CIAPIN1: variants seen among roughly 807,000 people sequenced by gnomAD.
CIAPIN1 encodes anamorsin.
In CIAPIN1, 18 loss-of-function variants were observed where a neutral mutation model predicts 34.3. The observed-to-expected ratio is 0.52, with a 90% CI of 0.36 to 0.78. The LOEUF (loss-of-function observed/expected upper bound fraction) is 0.78. Among genes scored for constraint, CIAPIN1 ranks in the 30% least tolerant of loss-of-function variants. CIAPIN1 has a pLI of 0.00. For synonymous variants in CIAPIN1, 131 were observed against 140.4 expected (o/e 0.93, Z 0.47); for missense variants, 310 against 372.5 (o/e 0.83, Z 1.38).
chr16:57,437,549 G>T (rs2146565205), intron 3 of CIAPIN1, among the ~76,000 whole-genome samples: 1 of 149,960 alleles, frequency 6.7e-6, no homozygotes, highest in East Asian at 1.9e-4. Context: ...TTTGAGACAG[G>T]GTCTCACTTT....
intron 7 of CIAPIN1, chr16:57,430,575 C>T (rs1431569117): frequency 2.3e-6 from 1 of 435,746 alleles, no homozygotes; most frequent in Non-Finnish European, 4.1e-6. Context: ...ACTACTCAAG[C>T]TTCAGCTGGT....
intron 3 of CIAPIN1, 31 bp from the exon 4 acceptor site, chr16:57,436,763 T>G (rs1159579621): frequency 1.3e-6 from 2 of 1,583,004 alleles, no homozygotes; most frequent in East Asian, 2.2e-5. Flanking sequence ...ATTAATAGCT[T>G]TATAGTTCAA....
In CIAPIN1 at chr16:57,431,101, A is replaced by G. The variant is rs775116211; in HGVS notation, c.746+50T>C. 2.7e-5 allele frequency: 31 copies of G among 1,144,266 alleles called. No homozygotes were observed. In the Admixed American group the frequency reaches 4.1e-4, roughly 15 times the overall value. 70.9% of individuals were successfully genotyped at this position (1,144,266 alleles called of 1,614,324 possible). A position where few individuals can be genotyped will look rare whatever the true frequency, so the allele number is the denominator to read the frequency against. ...AGTACAGCACCGCGATGTCTTCAGC[A>G]TGAAGCCACTGGAGGCAGCATGGCA... is the stretch of plus-strand genomic sequence containing the variant. On this transcript the variant is annotated intron_variant, in intron 7 of 8. Transcript: ENST00000394391.
intron 5 of CIAPIN1, 111 bp from the exon 6 acceptor site, chr16:57,432,671 G>A: frequency 1.0e-6 from 1 of 991,232 alleles, no homozygotes; most frequent in South Asian, 1.6e-5. Context: ...TGGCCTGGGA[G>A]GCAGAAGATG....
chr16:57,428,430 G>A lies in CIAPIN1; in HGVS notation c.*740C>T, dbSNP rs1903003529. On this transcript the variant is annotated 3_prime_UTR_variant, in exon 9 of 9. Transcript: ENST00000394391. ...AAGCCCTATTCTAAGCGTAGGAATAGCCCCATTTGTGCGTGACACTAAGTT... is the reference window on the plus strand; with the variant it reads ...AAGCCCTATTCTAAGCGTAGGAATAACCCCATTTGTGCGTGACACTAAGTT... The A allele has an allele frequency of 6.6e-6, 1 of 152,198 alleles. No homozygotes were observed. Among genetic ancestry groups the A allele is most frequent in the Non-Finnish European group, 1.5e-5 (1 of 68,042 alleles). 9.4% of individuals were successfully genotyped at this position (152,198 alleles called of 1,614,324 possible).
chr16:57,432,475 C>A lies in CIAPIN1; in HGVS notation c.630+12G>T. On this transcript the variant is annotated intron_variant, in intron 6 of 8. Transcript: ENST00000394391. ...GAAAGAAAGCAATCAAGTGACAATG[C>A]TGCCAGCTCACCATGCTGTCGTCCT... 2 of 1,612,874 alleles carry A rather than the reference C, an allele frequency of 1.2e-6. No individual in the cohort carries two copies. The highest frequency in any genetic ancestry group is 1.7e-6 in the Non-Finnish European group (2 of 1,179,264).
At chr16:57,433,464 C>T (rs1402649344) in intron 5 of CIAPIN1, among the ~76,000 whole-genome samples, 3 of 152,176 alleles carry the variant, frequency 2.0e-5, no homozygotes, top group South Asian at 2.1e-4. Flanking sequence ...TGTCTGCATA[C>T]CTCACAGCTG....
intron 2 of CIAPIN1, 44 bp from the exon 3 acceptor site, chr16:57,439,378 A>G: frequency 6.2e-7 from 1 of 1,610,666 alleles, no homozygotes; most frequent in South Asian, 1.1e-5. Context: ...TGAGCCTGGG[A>G]TAATCTCCTG....
intron 1 of CIAPIN1, among the ~76,000 whole-genome samples, chr16:57,443,300 C>T (rs1292225497): frequency 1.3e-5 from 2 of 151,514 alleles, no homozygotes; most frequent in Admixed American, 6.6e-5. Flanking sequence ...CCACCATGCC[C>T]GTCTACTTTT....
intron 1 of CIAPIN1, among the ~76,000 whole-genome samples, chr16:57,442,180 T>C (rs2146571455): frequency 6.6e-6 from 1 of 152,078 alleles, no homozygotes; most frequent in South Asian, 2.1e-4. Flanking sequence ...ACCCCATCTC[T>C]ACTAAAAATA....
At chr16:57,429,598 T>C (rs191995187) in intron 8 of CIAPIN1, among the ~76,000 whole-genome samples, 1,520 of 144,936 alleles carry the variant, frequency 0.01, 9 homozygotes, top group Middle Eastern at 0.029. Flanking sequence ...TTCCCGCCAT[T>C]CTCCTGCCTC....
chr16:57,444,979 G>T (rs1413881917), intron 1 of CIAPIN1, among the ~76,000 whole-genome samples: 1 of 152,150 alleles, frequency 6.6e-6, no homozygotes, highest in African/African-American at 2.4e-5. Context: ...CATGTGCATG[G>T]CCCTTCTAAA....
chr16:57,439,934 C>T (rs1014024954), intron 2 of CIAPIN1, among the ~76,000 whole-genome samples: 3 of 152,194 alleles, frequency 2.0e-5, no homozygotes, highest in East Asian at 1.9e-4. Flanking sequence ...AGGATAACAG[C>T]GATGTTCAGG....
rs549790939 is a variant in CIAPIN1, at chr16:57,436,222, T to TTTTTG, written c.387+429_387+433dup. Among the ~76,000 whole-genome samples, 47 of 152,272 alleles carry TTTTTG rather than the reference T, an allele frequency of 3.1e-4. No homozygotes were observed. In the East Asian group the frequency reaches 8.0e-3, roughly 26 times the overall value. On this transcript the variant is annotated intron_variant, in intron 4 of 8. Transcript: ENST00000394391. ...GAAGTTGGTTATTCTCAAAAGTTTT[T>TTTTTG]TTTTGTTTTGTTTTGTTTTTTTTGA...
chr16:57,446,539 A>C lies in CIAPIN1; in HGVS notation c.-56+803T>G, dbSNP rs138378476. ...TCTTGTCGTCAGTTACTCTTAGCCC[A>C]AAAACCGTTTACTTCTTCCTACTAA... On this transcript the variant is annotated intron_variant, in intron 1 of 8. Coordinates refer to ENST00000394391, the MANE Select transcript of CIAPIN1 (RefSeq NM_020313.4). Among the ~76,000 whole-genome samples the C allele has an allele frequency of 2.5e-3, 377 of 152,306 alleles. 1 individual carries two copies. The highest frequency in any genetic ancestry group is 8.5e-3 in the East Asian group (44 of 5,178).
chr16:57,440,741 C>A (rs750435420), intron 2 of CIAPIN1, 31 bp downstream of exon 2: 4 of 1,584,330 alleles, frequency 2.5e-6, no homozygotes, highest in Non-Finnish European at 3.4e-6. Context: ...ACCCCTCCAG[C>A]CTCATAAAGA....
At position 57,429,190 on chromosome 16, in the gene CIAPIN1, T is replaced by C; in HGVS notation, c.919A>G (p.Ser307Gly). The change falls in exon 9 of 9, where the codon AGC becomes GGC. Residue 307 changes from serine to glycine, a missense_variant. Ser to Gly is a moderately conservative substitution (Grantham distance 56). Coordinates refer to ENST00000394391, the MANE Select transcript of CIAPIN1 (RefSeq NM_020313.4). ...KPGEKVLLSD[S>G]NLHDA ...ACCTCCTAGGCATCATGAAGATTGC[T>C]ATCACTCAGAAGCACCTTTTCCCCA... 1.2e-6 allele frequency: 2 copies of C among 1,612,712 alleles called. No individual in the cohort carries two copies. The highest frequency in any genetic ancestry group is 1.3e-5 in the African/African-American group (1 of 74,986).
At chr16:57,437,285 A>G (rs1434571928) in intron 3 of CIAPIN1, among the ~76,000 whole-genome samples, 1 of 152,150 alleles carries the variant, frequency 6.6e-6, no homozygotes, top group African/African-American at 2.4e-5. Context: ...AGTAAATTAC[A>G]TGAGATACTA....
chr16:57,431,454 C>T (rs568337808), intron 6 of CIAPIN1, 188 bp from the exon 7 acceptor site: 1 of 481,048 alleles, frequency 2.1e-6, no homozygotes, highest in South Asian at 3.5e-5. Context: ...AGTTAAACTA[C>T]ATCCACAGAA....
Sources: allele counts gnomAD v4.1 joint callset (sites outside exome capture counted in the v4.1 genomes callset), GRCh38; gene constraint gnomAD v4.1.1; transcripts MANE v1.5; gene names NCBI Gene and HGNC (gene_info 2026-07-23, HGNC 2026-07-21).